The following CTNNA3 variants were observed in gnomAD, a reference collection of about 807,000 sequenced individuals.
CTNNA3 encodes the protein catenin alpha 3, also known as catenin alpha-3.
Under a neutral mutation model 95.7 loss-of-function variants are expected in CTNNA3, and 76 were observed. That is an observed-to-expected ratio of 0.79 (90% CI 0.66 to 0.96). The LOEUF is 0.96. Among genes scored for constraint, CTNNA3 ranks in the 40% least tolerant of loss-of-function variants. CTNNA3 has a pLI of 0.00. For missense variants in CTNNA3, 1,191 were observed against 1,089.8 expected (o/e 1.09, Z -1.31); for synonymous variants, 431 against 374.4 (o/e 1.15, Z -1.74).
intron 11 of CTNNA3, among the ~76,000 whole-genome samples, chr10:66,520,058 G>C (rs542221825): frequency 1.3e-5 from 2 of 151,846 alleles, no homozygotes; most frequent in Admixed American, 6.6e-5. Context: ...CCATGAATAG[G>C]AGTTTCTTTT....
chr10:67,358,309 C>G (rs1842885493), intron 5 of CTNNA3, among the ~76,000 whole-genome samples: 1 of 152,074 alleles, frequency 6.6e-6, no homozygotes, highest in South Asian at 2.1e-4. Flanking sequence ...TCTCAAAAGA[C>G]ACTATTACAA....
At chr10:66,047,642 A>G (rs761444644) in intron 15 of CTNNA3, among the ~76,000 whole-genome samples, 2 of 152,188 alleles carry the variant, frequency 1.3e-5, no homozygotes, top group Non-Finnish European at 2.9e-5. Context: ...CTATCTGGCA[A>G]GAGAGACAAA....
At chr10:67,648,142 T>G (rs191451566) in intron 1 of CTNNA3, among the ~76,000 whole-genome samples, 199 of 151,924 alleles carry the variant, frequency 1.3e-3, no homozygotes, top group Non-Finnish European at 2.1e-3. Context: ...CAAGACAAAA[T>G]AAGAAGAAAA....
chr10:66,178,071 A>G (rs1003967393), intron 13 of CTNNA3, among the ~76,000 whole-genome samples: 3 of 151,684 alleles, frequency 2.0e-5, no homozygotes, highest in Admixed American at 2.0e-4. Context: ...TAATGCAAAG[A>G]TCCTACAATT....
intron 7 of CTNNA3, among the ~76,000 whole-genome samples, chr10:67,078,920 T>C (rs909515623): frequency 2.6e-5 from 4 of 152,224 alleles, no homozygotes; most frequent in Non-Finnish European, 4.4e-5. Context: ...AATATGCCAA[T>C]GCAATGCAGT....
chr10:66,172,804 T>A (rs559271968), intron 13 of CTNNA3, among the ~76,000 whole-genome samples: 1 of 152,228 alleles, frequency 6.6e-6, no homozygotes, highest in South Asian at 2.1e-4. Flanking sequence ...CTACAAAAAA[T>A]TTCATCATTT....
intron 5 of CTNNA3, among the ~76,000 whole-genome samples, chr10:67,515,285 G>A (rs1839777127): frequency 6.6e-6 from 1 of 152,126 alleles, no homozygotes; most frequent in Admixed American, 6.6e-5. Flanking sequence ...GCAAAAAGCT[G>A]GATATTAGGA....
At chr10:66,767,061 A>G (rs956873389) in intron 8 of CTNNA3, among the ~76,000 whole-genome samples, 1 of 152,238 alleles carries the variant, frequency 6.6e-6, no homozygotes, top group African/African-American at 2.4e-5. Context: ...AATGACAATT[A>G]GGCAATTACT....
chr10:66,454,437 T>C (rs1223569824), intron 11 of CTNNA3, among the ~76,000 whole-genome samples: 1 of 152,092 alleles, frequency 6.6e-6, no homozygotes, highest in Non-Finnish European at 1.5e-5. Flanking sequence ...ATTAAGAGGA[T>C]ACTGAGAGAA....
At chr10:66,743,838 C>T (rs1437721804) in intron 9 of CTNNA3, among the ~76,000 whole-genome samples, 1 of 151,630 alleles carries the variant, frequency 6.6e-6, no homozygotes, top group Non-Finnish European at 1.5e-5. Context: ...TAGCTGGGCA[C>T]AGTGGCGTGT....
At chr10:66,995,473 C>T (rs1589567351) in intron 7 of CTNNA3, among the ~76,000 whole-genome samples, 1 of 152,326 alleles carries the variant, frequency 6.6e-6, no homozygotes, top group Non-Finnish European at 1.5e-5. Context: ...ATTCTCCAAA[C>T]ATTCACCAAG....
intron 7 of CTNNA3, among the ~76,000 whole-genome samples, chr10:66,876,842 G>A (rs1031374881): frequency 6.6e-6 from 1 of 152,070 alleles, no homozygotes. Flanking sequence ...GAGGAAAAAG[G>A]TAACTTATAA....
intron 12 of CTNNA3, among the ~76,000 whole-genome samples, chr10:66,301,058 A>G (rs187954251): frequency 2.9e-4 from 44 of 152,230 alleles, no homozygotes; most frequent in African/African-American, 1.0e-3. Context: ...CCCTATACTC[A>G]CAAATATGAT....
At chr10:66,987,159 C>T (rs996952545) in intron 7 of CTNNA3, among the ~76,000 whole-genome samples, 14 of 152,090 alleles carry the variant, frequency 9.2e-5, no homozygotes, top group African/African-American at 2.7e-4. Flanking sequence ...TTTTGAAACA[C>T]GGACACAGGG....
chr10:67,203,773 CT>C (rs1241810568), intron 6 of CTNNA3, among the ~76,000 whole-genome samples: 1 of 152,172 alleles, frequency 6.6e-6, no homozygotes, highest in Non-Finnish European at 1.5e-5. Context: ...CAAAATATTC[CT>C]CATTAACAAA....
chr10:67,734,604 G>T (rs1370318902), intron 1 of CTNNA3, among the ~76,000 whole-genome samples: 1 of 152,140 alleles, frequency 6.6e-6, no homozygotes, highest in Non-Finnish European at 1.5e-5. Context: ...AATGATAAAA[G>T]TGTAGACATA....
chr10:66,481,380 ATACT>A (rs1356118790), intron 11 of CTNNA3, among the ~76,000 whole-genome samples: 43 of 151,992 alleles, frequency 2.8e-4, no homozygotes, highest in Admixed American at 1.6e-3. Flanking sequence ...CATTCAACAA[ATACT>A]TACTAATTAT....
chr10:66,468,751 C>T (rs1181150095), intron 11 of CTNNA3, among the ~76,000 whole-genome samples: 1 of 151,600 alleles, frequency 6.6e-6, no homozygotes, highest in Non-Finnish European at 1.5e-5. Flanking sequence ...AAATATTTGC[C>T]AATTATACCT....
chr10:66,556,327 A>G (rs1842387873), intron 10 of CTNNA3, among the ~76,000 whole-genome samples: 1 of 152,120 alleles, frequency 6.6e-6, no homozygotes, highest in Non-Finnish European at 1.5e-5. Context: ...AATTAAAAAT[A>G]GAACTACCAT....
Sources: allele counts gnomAD v4.1 joint callset (sites outside exome capture counted in the v4.1 genomes callset), GRCh38; gene constraint gnomAD v4.1.1; transcripts MANE v1.5; gene names NCBI Gene and HGNC (gene_info 2026-07-23, HGNC 2026-07-21).